LRRC53: variants seen among roughly 807,000 people sequenced by gnomAD.
LRRC53 encodes leucine rich repeat containing 53, also known as leucine-rich repeat-containing protein 53.
LRRC53 carries 25 observed loss-of-function variants against 13.6 expected under a neutral mutation model. The observed-to-expected ratio is 1.83, with a 90% CI of 1.34 to 2.56. The LOEUF (loss-of-function observed/expected upper bound fraction) is 2.56, where lower values mean the gene tolerates loss of function less well. Among genes scored for constraint, LRRC53 ranks in the 30% most tolerant of loss-of-function variants. LRRC53 has a pLI of 0.00. For missense variants in LRRC53, 527 were observed against 275.8 expected (o/e 1.91, Z -6.45); for synonymous variants, 204 against 109.8 (o/e 1.86, Z -5.37).
intron 1 of LRRC53, among the ~76,000 whole-genome samples, chr1:74,508,736 G>C (rs1304979665): frequency 6.6e-6 from 1 of 152,194 alleles, no homozygotes; most frequent in African/African-American, 2.4e-5. Context: ...AGGGTGCTTT[G>C]CTGATAACAT....
chr1:74,511,487 G>T (rs576601585), intron 1 of LRRC53, among the ~76,000 whole-genome samples: 1 of 152,232 alleles, frequency 6.6e-6, no homozygotes, highest in South Asian at 2.1e-4. Flanking sequence ...TTACTTACAG[G>T]TGGAAAACAC....
At chr1:74,513,488 T>C (rs1424260720), upstream of LRRC53, among the ~76,000 whole-genome samples, 2 of 152,230 alleles carry the variant, frequency 1.3e-5, no homozygotes, top group Non-Finnish European at 1.5e-5. Flanking sequence ...CAGAGAACTT[T>C]GCATTCTCAC....
At chr1:74,522,316 G>A in the LRRC53 span, among the ~76,000 whole-genome samples, 43 of 152,188 alleles carry the variant, frequency 2.8e-4, no homozygotes, top group African/African-American at 9.1e-4. Flanking sequence ...TGCAGCTGCC[G>A]CAAATGTGCA....
chr1:74,495,892 A>G (rs1448546794), intron 1 of LRRC53, among the ~76,000 whole-genome samples: 1 of 152,174 alleles, frequency 6.6e-6, no homozygotes, highest in Non-Finnish European at 1.5e-5. Flanking sequence ...GCTTGTGTAT[A>G]TGAAGGCAGA....
chr1:74,523,154 C>T, the LRRC53 span, among the ~76,000 whole-genome samples: 1 of 152,146 alleles, frequency 6.6e-6, no homozygotes, highest in African/African-American at 2.4e-5. Context: ...CCCTCAGTTT[C>T]TTCAAGAAAA....
Position 74,480,735 on chromosome 1 carries a change from TGTGAAGCTTGCTGAAGGTG to T in LRRC53, c.303_321del (p.His101GlnfsTer8), listed in dbSNP as rs750831964. On this transcript the variant is annotated frameshift_variant, in exon 3 of 5. Transcript: ENST00000294635. LOFTEE classifies it high-confidence loss of function. ...TTGCTCAGCACCAGTACCTGCAGGC[TGTGAAGCTTGCTGAAGGTG>T]TGATCAGTGAGCGAAGAGCTGGATA... 4.2e-6 allele frequency: 3 copies of T among 717,490 alleles called. No individual in the cohort carries two copies. In the South Asian group the frequency reaches 4.4e-5, roughly 11 times the overall value. 44.4% of individuals were successfully genotyped at this position (717,490 alleles called of 1,614,324 possible). A position where few individuals can be genotyped will look rare whatever the true frequency, so the allele number is the denominator to read the frequency against.
At chr1:74,497,981 C>CT (rs1453190675) in intron 1 of LRRC53, among the ~76,000 whole-genome samples, 1 of 151,980 alleles carries the variant, frequency 6.6e-6, no homozygotes, top group African/African-American at 2.4e-5. Flanking sequence ...CTGTGGGAGG[C>CT]TTTTTTGTTT....
At chr1:74,501,997 G>A (rs1290142476) in intron 1 of LRRC53, among the ~76,000 whole-genome samples, 1 of 151,982 alleles carries the variant, frequency 6.6e-6, no homozygotes, top group Non-Finnish European at 1.5e-5. Flanking sequence ...TACCTAATCT[G>A]GATGTTGCCC....
intron 2 of LRRC53, among the ~76,000 whole-genome samples, chr1:74,481,981 G>T (rs974686947): frequency 6.6e-6 from 1 of 152,154 alleles, no homozygotes; most frequent in African/African-American, 2.4e-5. Flanking sequence ...AAGATTCTCA[G>T]AGTGCCTTCT....
chr1:74,492,267 G>C (rs781492801), intron 1 of LRRC53: 11 of 1,533,372 alleles, frequency 7.2e-6, no homozygotes, highest in Non-Finnish European at 9.7e-6. Context: ...TGTCCCAAAG[G>C]TGAGTGGTAA....
chr1:74,505,346 T>C (rs1342502041), intron 1 of LRRC53, among the ~76,000 whole-genome samples: 1 of 152,204 alleles, frequency 6.6e-6, no homozygotes, highest in Non-Finnish European at 1.5e-5. Context: ...GGCCTCGCCC[T>C]GCTCCCTCCT....
chr1:74,482,941 A>T (rs982883541), intron 2 of LRRC53, among the ~76,000 whole-genome samples: 5 of 152,224 alleles, frequency 3.3e-5, no homozygotes, highest in Non-Finnish European at 7.3e-5. Context: ...AGCTGGTGGT[A>T]GAGTTCAAAT....
At chr1:74,528,581 C>A in the LRRC53 span, among the ~76,000 whole-genome samples, 1 of 152,124 alleles carries the variant, frequency 6.6e-6, no homozygotes, top group Non-Finnish European at 1.5e-5. Flanking sequence ...ATAATGGGAG[C>A]TAGGTTTCTC....
intron 3 of LRRC53, 65 bp from the exon 4 acceptor site, chr1:74,475,875 G>A (rs1668180780): frequency 1.9e-6 from 1 of 534,238 alleles, no homozygotes; most frequent in Admixed American, 3.5e-5. Flanking sequence ...ATCATCAAAT[G>A]TAAAAACCAC....
At chr1:74,503,001 G>A (rs767347670) in intron 1 of LRRC53, among the ~76,000 whole-genome samples, 2 of 152,194 alleles carry the variant, frequency 1.3e-5, no homozygotes, top group Non-Finnish European at 2.9e-5. Flanking sequence ...TAGCTTTGAG[G>A]ATAGCTCTAC....
intron 1 of LRRC53, among the ~76,000 whole-genome samples, chr1:74,503,780 T>G (rs1428363252): frequency 6.6e-6 from 1 of 152,214 alleles, no homozygotes; most frequent in Admixed American, 6.5e-5. Context: ...CATAACTTCT[T>G]GAAATGCCCA....
At chr1:74,490,423 A>G (rs902309844) in intron 1 of LRRC53, among the ~76,000 whole-genome samples, 15 of 152,188 alleles carry the variant, frequency 9.9e-5, no homozygotes, top group African/African-American at 3.4e-4. Context: ...CTTCGAGCCT[A>G]ATGGGATAGA....
Position 74,483,364 on chromosome 1 carries a change from C to T in LRRC53, c.-15G>A, listed in dbSNP as rs1270883641. 8.4e-6 allele frequency: 6 copies of T among 717,142 alleles called. No homozygotes were observed. The highest frequency in any genetic ancestry group is 4.0e-5 in the Admixed American group (2 of 49,994). 44.4% of individuals were successfully genotyped at this position (717,142 alleles called of 1,614,324 possible). On this transcript the variant is annotated 5_prime_UTR_variant, in exon 2 of 5. Transcript: ENST00000294635. Reference sequence around the variant, plus strand: ...AACCGCAACATGATGGCAAAGAGTACCAGCCATCCACCTGAAAGGAAAGTA... The same window carrying T: ...AACCGCAACATGATGGCAAAGAGTATCAGCCATCCACCTGAAAGGAAAGTA...
intron 1 of LRRC53, among the ~76,000 whole-genome samples, chr1:74,505,087 C>G (rs1669825628): frequency 6.6e-6 from 1 of 152,154 alleles, no homozygotes; most frequent in African/African-American, 2.4e-5. Flanking sequence ...GAGAAACCCT[C>G]TCCATTCATA....
Sources: gnomAD v4.1 joint callset for allele counts (sites outside exome capture counted in the v4.1 genomes callset) on GRCh38, gnomAD v4.1.1 for gene constraint, MANE v1.5 for transcripts, NCBI Gene and HGNC (gene_info 2026-07-23, HGNC 2026-07-21) for gene names.